CADM2: variants seen among roughly 807,000 people sequenced by gnomAD.
CADM2 encodes cell adhesion molecule 2, also known as immunoglobulin superfamily member 4D.
In CADM2, 12 loss-of-function variants were observed where a neutral mutation model predicts 49.8. That is an observed-to-expected ratio of 0.24 (90% CI 0.15 to 0.39). The LOEUF is 0.39. Ranked by LOEUF, CADM2 falls within the 10% of genes least tolerant of loss-of-function variation. CADM2 has a pLI of 1.00. For missense variants in CADM2, 378 were observed against 492.3 expected (o/e 0.77, Z 2.20); for synonymous variants, 214 against 175.4 (o/e 1.22, Z -1.74).
At chr3:85,346,498 T>G (rs1659523606) in intron 1 of CADM2, among the ~76,000 whole-genome samples, 2 of 152,282 alleles carry the variant, frequency 1.3e-5, no homozygotes, top group Non-Finnish European at 2.9e-5. Context: ...TCAGATGAAA[T>G]TCGCTTGTAT....
chr3:85,605,139 T>C (rs1226904398), intron 1 of CADM2, among the ~76,000 whole-genome samples: 1 of 152,012 alleles, frequency 6.6e-6, no homozygotes, highest in Non-Finnish European at 1.5e-5. Flanking sequence ...AAAGTGCTTC[T>C]AAAAATACCA....
At chr3:85,345,422 CAA>C (rs2030525123) in intron 1 of CADM2, among the ~76,000 whole-genome samples, 1 of 149,686 alleles carries the variant, frequency 6.7e-6, no homozygotes, top group Admixed American at 6.7e-5. Context: ...TTTAAATGAT[CAA>C]AGTTATCATG....
In CADM2 at chr3:85,572,054, T is replaced by G. The variant is rs111537821; in HGVS notation, c.62-154468T>G. On this transcript the variant is annotated intron_variant, in intron 1 of 9. Transcript: ENST00000383699. ...ACTCATGCCTGTAATCCTAGCAGTT[T>G]AGGAGGCCGAGGCCGGTGGATCACA... 2.2e-3 allele frequency among the ~76,000 whole-genome samples: 331 copies of G among 152,222 alleles called. 3 individuals carry two copies. Among genetic ancestry groups the G allele is most frequent in the African/African-American group, 7.1e-3 (297 of 41,548 alleles).
chr3:85,329,668 AAAGT>A (rs915853945), intron 1 of CADM2, among the ~76,000 whole-genome samples: 31 of 152,298 alleles, frequency 2.0e-4, no homozygotes, highest in African/African-American at 5.3e-4. Flanking sequence ...GTGTGTGTAT[AAAGT>A]AAGTATGTAT....
chr3:85,887,218 T>C (rs1159237300), intron 5 of CADM2, among the ~76,000 whole-genome samples: 2 of 152,106 alleles, frequency 1.3e-5, no homozygotes, highest in South Asian at 2.1e-4. Flanking sequence ...TCCTGAGTAG[T>C]TGGGAATACA....
At chr3:86,001,223 A>G (rs913115156) in intron 8 of CADM2, among the ~76,000 whole-genome samples, 2 of 152,174 alleles carry the variant, frequency 1.3e-5, no homozygotes, top group African/African-American at 4.8e-5. Flanking sequence ...TGTTTTGAAC[A>G]TGTTGAGTTC....
At chr3:85,583,582 T>G (rs1482055293) in intron 1 of CADM2, among the ~76,000 whole-genome samples, 2 of 152,146 alleles carry the variant, frequency 1.3e-5, no homozygotes, top group African/African-American at 4.8e-5. Context: ...AAACTAAACT[T>G]TTAAAAGTTC....
At chr3:85,881,238 C>T (rs1003684828) in intron 3 of CADM2, among the ~76,000 whole-genome samples, 26 of 151,986 alleles carry the variant, frequency 1.7e-4, no homozygotes, top group Admixed American at 6.5e-4. Context: ...ATTTCTGTAA[C>T]GTCCATTTTT....
At chr3:85,539,852 G>A (rs2061502394) in intron 1 of CADM2, among the ~76,000 whole-genome samples, 1 of 152,036 alleles carries the variant, frequency 6.6e-6, no homozygotes, top group South Asian at 2.1e-4. Flanking sequence ...ATAAAATCAG[G>A]ATTTCAATTT....
intron 5 of CADM2, among the ~76,000 whole-genome samples, chr3:85,887,601 C>T (rs556415414): frequency 8.5e-5 from 13 of 152,078 alleles, no homozygotes; most frequent in African/African-American, 9.7e-5. Context: ...CTGATCACTA[C>T]GCTTGCCTTA....
chr3:85,180,820 A>G (rs1470530660), intron 1 of CADM2, among the ~76,000 whole-genome samples: 1 of 152,212 alleles, frequency 6.6e-6, no homozygotes, highest in Non-Finnish European at 1.5e-5. Flanking sequence ...ATAGGAATCA[A>G]GTTTTTATTA....
At chr3:85,635,251 A>G (rs1166804259) in intron 1 of CADM2, among the ~76,000 whole-genome samples, 1 of 152,090 alleles carries the variant, frequency 6.6e-6, no homozygotes, top group Non-Finnish European at 1.5e-5. Context: ...GAGAACACAC[A>G]CATAAGCGGC....
intron 1 of CADM2, among the ~76,000 whole-genome samples, chr3:85,539,051 C>T (rs1157283395): frequency 1.3e-5 from 2 of 151,774 alleles, no homozygotes; most frequent in African/African-American, 2.4e-5. Context: ...GCCTGAATTT[C>T]ATATCTCTAT....
At chr3:84,994,335 TTTAA>T (rs1274677739) in intron 1 of CADM2, among the ~76,000 whole-genome samples, 6 of 152,184 alleles carry the variant, frequency 3.9e-5, no homozygotes, top group Non-Finnish European at 5.9e-5. Context: ...ATAAGAGTAG[TTTAA>T]TTAGCTATGG....
intron 1 of CADM2, among the ~76,000 whole-genome samples, chr3:85,552,836 C>T (rs1428997005): frequency 6.6e-6 from 1 of 151,902 alleles, no homozygotes; most frequent in African/African-American, 2.4e-5. Context: ...GCCACCACGC[C>T]CAGCAAATTT....
chr3:85,128,929 C>T (rs78098400), intron 1 of CADM2, among the ~76,000 whole-genome samples: 7,431 of 152,222 alleles, frequency 0.049, 252 homozygotes, highest in East Asian at 0.14. Context: ...TGTCACAACA[C>T]ACACATCAGA....
At chr3:85,680,226 T>G (rs2066000744) in intron 1 of CADM2, among the ~76,000 whole-genome samples, 1 of 152,090 alleles carries the variant, frequency 6.6e-6, no homozygotes, top group Admixed American at 6.5e-5. Flanking sequence ...TATAAAAATT[T>G]TTCACACTTC....
chr3:85,427,394 T>G (rs956728483), intron 1 of CADM2, among the ~76,000 whole-genome samples: 5 of 151,922 alleles, frequency 3.3e-5, no homozygotes, highest in African/African-American at 1.2e-4. Context: ...TTGTAATTTG[T>G]TTACTAGATT....
intron 8 of CADM2, among the ~76,000 whole-genome samples, chr3:86,015,765 C>T (rs540516476): frequency 6.6e-6 from 1 of 152,260 alleles, no homozygotes; most frequent in East Asian, 1.9e-4. Context: ...AGCTTTTTAG[C>T]CGGTATATGT....
Sources: gnomAD v4.1 joint callset for allele counts (sites outside exome capture counted in the v4.1 genomes callset) on GRCh38, gnomAD v4.1.1 for gene constraint, MANE v1.5 for transcripts, NCBI Gene and HGNC (gene_info 2026-07-23, HGNC 2026-07-21) for gene names.